The following MAST4 variants were observed in gnomAD, a reference collection of about 807,000 sequenced individuals.
MAST4 encodes microtubule-associated serine/threonine-protein kinase 4.
MAST4 carries 89 observed loss-of-function variants against 162.7 expected under a neutral mutation model. That is an observed-to-expected ratio of 0.55 (90% CI 0.46 to 0.65). The LOEUF is 0.65. Ranked by LOEUF, MAST4 falls within the 30% of genes least tolerant of loss-of-function variation. The probability of loss-of-function intolerance (pLI) is 0.00; values close to 1 mark genes in which losing one functional copy is unlikely to be tolerated. For synonymous variants in MAST4, 1,479 were observed against 1,361.1 expected (o/e 1.09, Z -1.91); for missense variants, 3,153 against 3,374.0 (o/e 0.93, Z 1.62).
intron 3 of MAST4, among the ~76,000 whole-genome samples, chr5:66,804,712 A>C (rs1423642): frequency 0.24 from 37,030 of 152,138 alleles, 5,715 homozygotes; most frequent in Non-Finnish European, 0.35. Flanking sequence ...GAAGGGTTTA[A>C]GAGTGGACTC....
At chr5:66,808,954 T>C (rs1756340346) in intron 3 of MAST4, among the ~76,000 whole-genome samples, 1 of 152,194 alleles carries the variant, frequency 6.6e-6, no homozygotes. Flanking sequence ...AGAAGCATTT[T>C]TGTATAGCAC....
intron 3 of MAST4, among the ~76,000 whole-genome samples, chr5:66,850,929 C>CT (rs59161379): frequency 0.27 from 37,204 of 137,602 alleles, 5,453 homozygotes; most frequent in Non-Finnish European, 0.35. Flanking sequence ...CATTTTAAGC[C>CT]TTTTTTTTTT....
intron 1 of MAST4, among the ~76,000 whole-genome samples, chr5:66,631,257 G>T (rs934537725): frequency 2.0e-5 from 3 of 152,130 alleles, no homozygotes; most frequent in Admixed American, 2.0e-4. Context: ...CTTTTTGTTT[G>T]TTGTCTTCTG....
chr5:66,621,203 G>A (rs970200511), intron 1 of MAST4, among the ~76,000 whole-genome samples: 7 of 152,160 alleles, frequency 4.6e-5, no homozygotes, highest in African/African-American at 1.7e-4. Flanking sequence ...TCATTTGAGA[G>A]TAGAATTTGA....
At chr5:67,079,580 A>G (rs940238525) in intron 5 of MAST4, among the ~76,000 whole-genome samples, 19 of 152,282 alleles carry the variant, frequency 1.2e-4, no homozygotes, top group Admixed American at 4.6e-4. Flanking sequence ...TCAGAGGTTG[A>G]GAGAGGTTTT....
chr5:66,722,877 C>T (rs947283728), intron 1 of MAST4, among the ~76,000 whole-genome samples: 27 of 152,004 alleles, frequency 1.8e-4, no homozygotes, highest in African/African-American at 4.8e-4. Context: ...GAGTCTAAGG[C>T]GGAGAACGGG....
At chr5:66,748,115 T>A (rs1345163728) in intron 1 of MAST4, among the ~76,000 whole-genome samples, 1 of 151,978 alleles carries the variant, frequency 6.6e-6, no homozygotes, top group Non-Finnish European at 1.5e-5. Context: ...GTTCCCAGGA[T>A]AAAAATAGTC....
intron 4 of MAST4, among the ~76,000 whole-genome samples, chr5:66,913,923 T>C (rs141979443): frequency 5.3e-4 from 80 of 152,326 alleles, no homozygotes; most frequent in African/African-American, 1.9e-3. Context: ...GCTTTGAACT[T>C]TTGTCAAAAA....
chr5:67,102,710 C>G lies in MAST4; in HGVS notation c.1146+99C>G, dbSNP rs1352656033. The G allele has an allele frequency of 8.5e-5, 76 of 896,840 alleles. No homozygotes were observed. In the Admixed American group the frequency reaches 1.5e-3, roughly 18 times the overall value. 55.6% of individuals were successfully genotyped at this position (896,840 alleles called of 1,614,324 possible). A position where few individuals can be genotyped will look rare whatever the true frequency, so the allele number is the denominator to read the frequency against. On this transcript the variant is annotated intron_variant, in intron 9 of 28. Transcript: ENST00000403625. Reference sequence around the variant, plus strand: ...TTGTTATAGGAAGTAAGGGTCCAATCTAGTAATGATTTGCATAAAACAGCT... The same window carrying G: ...TTGTTATAGGAAGTAAGGGTCCAATGTAGTAATGATTTGCATAAAACAGCT...
At chr5:67,041,198 A>G (rs1756696372) in intron 4 of MAST4, among the ~76,000 whole-genome samples, 1 of 152,140 alleles carries the variant, frequency 6.6e-6, no homozygotes. Context: ...CAAAGCACTG[A>G]AGTCTGTTGA....
chr5:67,134,511 A>G lies in MAST4; in HGVS notation c.2227-12A>G, dbSNP rs746111351. The G allele has an allele frequency of 1.7e-5, 27 of 1,603,970 alleles. No homozygotes were observed. The highest frequency in any genetic ancestry group is 2.2e-5 in the East Asian group (1 of 44,702). ...ATATTCCAATTATTCTAATATTGCA[A>G]TTATCTTTTAGGTCTGTGGCACACC... On this transcript the variant is annotated splice_polypyrimidine_tract_variant and intron_variant, in intron 17 of 28. Transcript: ENST00000403625.
In MAST4 at chr5:66,888,034, C is replaced by G. The variant is rs894395535; in HGVS notation, c.643-11917C>G. On this transcript the variant is annotated intron_variant, in intron 3 of 28. Coordinates refer to ENST00000403625, the MANE Select transcript of MAST4 (RefSeq NM_001164664.2). ...CCATCCTGGCTAACATGGTGAAACC[C>G]CGTCTCTACTAAAAAAAAAAATAAA... Among the ~76,000 whole-genome samples, 4 of 151,882 alleles carry G rather than the reference C, an allele frequency of 2.6e-5. No individual in the cohort carries two copies. The South Asian group carries it at 8.3e-4, about 32-fold the overall frequency.
chr5:66,648,083 T>TGTGTGTGTGTGTGTGA (rs1229070126), intron 1 of MAST4, among the ~76,000 whole-genome samples: 1 of 87,068 alleles, frequency 1.1e-5, no homozygotes, highest in East Asian at 3.4e-4. Flanking sequence ...TGTGTGTGTG[T>TGTGTGTGTGTGTGTGA]GAGAGAGAGA....
In MAST4 at chr5:67,163,684, C is replaced by T. The variant is rs1233088149; in HGVS notation, c.4505C>T (p.Ala1502Val). ...NVCDVPPLSR[A>V]RPVEQGCLKR... ...TGCGACGTGCCGCCGCTCAGCCGCG[C>T]CCGGCCAGTGGAGCAAGGCTGCCTG... Residue 1502 changes from alanine to valine, a missense_variant, in exon 29 of 29, where the codon GCC becomes GTC. Coordinates refer to ENST00000403625, the MANE Select transcript of MAST4 (RefSeq NM_001164664.2). This position sits in a 1 kb window ranked among gnomAD's most constrained non-coding sequence, Gnocchi z 7.0. 1 of 1,609,026 alleles carries T rather than the reference C, an allele frequency of 6.2e-7. No homozygotes were observed. Among genetic ancestry groups the T allele is most frequent in the South Asian group, 1.1e-5 (1 of 90,360 alleles).
chr5:67,057,791 C>T (rs1371385800), intron 5 of MAST4, among the ~76,000 whole-genome samples: 1 of 151,886 alleles, frequency 6.6e-6, no homozygotes, highest in Non-Finnish European at 1.5e-5. Context: ...ATGTTTGTGC[C>T]CATGACTGAT....
intron 3 of MAST4, among the ~76,000 whole-genome samples, chr5:66,880,924 A>T (rs954055532): frequency 3.3e-5 from 5 of 152,238 alleles, no homozygotes; most frequent in African/African-American, 1.2e-4. Flanking sequence ...GAAGGTGAGT[A>T]TAGCCAGCTG....
intron 1 of MAST4, among the ~76,000 whole-genome samples, chr5:66,726,094 A>G (rs1751500204): frequency 1.3e-5 from 2 of 152,052 alleles, no homozygotes; most frequent in South Asian, 4.1e-4. Flanking sequence ...GGGAAAAAAG[A>G]GAAACCAATG....
At chr5:66,759,086 C>T (rs552611116) in intron 1 of MAST4, among the ~76,000 whole-genome samples, 7 of 152,262 alleles carry the variant, frequency 4.6e-5, no homozygotes, top group African/African-American at 1.7e-4. Context: ...TTCTCTGATT[C>T]TTGTGACAGG....
At chr5:66,791,064 C>T (rs963754450) in intron 3 of MAST4, among the ~76,000 whole-genome samples, 16 of 152,168 alleles carry the variant, frequency 1.1e-4, no homozygotes, top group Non-Finnish European at 7.3e-5. Context: ...GCTCCTGTTG[C>T]CCAGGCTGGA....
Sources: allele counts gnomAD v4.1 joint callset (sites outside exome capture counted in the v4.1 genomes callset), GRCh38; gene constraint gnomAD v4.1.1; non-coding constraint Gnocchi (gnomAD v3.1); transcripts MANE v1.5; gene names NCBI Gene and HGNC (gene_info 2026-07-23, HGNC 2026-07-21).